Variants in NBEA observed in about 807,000 individuals in gnomAD.
NBEA encodes lysosomal-trafficking regulator 2.
Under a neutral mutation model 343.4 loss-of-function variants are expected in NBEA, and 44 were observed. The observed-to-expected ratio is 0.13, with a 90% CI of 0.10 to 0.16. The LOEUF is 0.16. Ranked by LOEUF, NBEA falls within the 10% of genes least tolerant of loss-of-function variation. The pLI, the probability that NBEA is intolerant of heterozygous loss-of-function variation, is 1.00. For synonymous variants in NBEA, 1,175 were observed against 1,238.7 expected (o/e 0.95, Z 1.08); for missense variants, 2,555 against 3,631.3 (o/e 0.70, Z 7.62).
intron 41 of NBEA, among the ~76,000 whole-genome samples, chr13:35,484,276 A>G (rs9544430): frequency 0.13 from 14,765 of 112,148 alleles, 817 homozygotes; most frequent in East Asian, 0.47. Context: ...GTGTGTGTGT[A>G]TATATATATA....
At chr13:35,011,519 A>G (rs2061493322) in intron 1 of NBEA, among the ~76,000 whole-genome samples, 1 of 152,216 alleles carries the variant, frequency 6.6e-6, no homozygotes, top group Non-Finnish European at 1.5e-5. Flanking sequence ...TAATATTGAT[A>G]TAAACAGAAT....
chr13:35,299,346 C>T (rs2036378507), intron 35 of NBEA, among the ~76,000 whole-genome samples: 1 of 151,980 alleles, frequency 6.6e-6, no homozygotes, highest in Admixed American at 6.6e-5. Context: ...GAAAAATGTA[C>T]ATTGAGTTGA....
At chr13:35,096,650 C>A (rs560745324) in intron 10 of NBEA, among the ~76,000 whole-genome samples, 10 of 151,990 alleles carry the variant, frequency 6.6e-5, no homozygotes, top group South Asian at 4.1e-4. Context: ...CCCTAAATCA[C>A]TAACTTTGGT....
intron 23 of NBEA, among the ~76,000 whole-genome samples, 193 bp from the exon 24 acceptor site, chr13:35,164,163 A>G (rs2069804190): frequency 6.6e-6 from 1 of 152,180 alleles, no homozygotes; most frequent in Non-Finnish European, 1.5e-5. Context: ...CTTGGATACA[A>G]CAAAATCCTG....
chr13:35,412,778 T>A (rs78708624), intron 38 of NBEA, among the ~76,000 whole-genome samples: 1,887 of 152,248 alleles, frequency 0.012, 35 homozygotes, highest in African/African-American at 0.043. Flanking sequence ...ATTTTCTTGG[T>A]TGCTTTTCTT....
intron 30 of NBEA, among the ~76,000 whole-genome samples, chr13:35,191,049 G>T (rs778184162): frequency 3.3e-5 from 5 of 152,122 alleles, no homozygotes; most frequent in Admixed American, 6.6e-5. Context: ...GGCAGGAAAA[G>T]AATCAGCAAC....
intron 40 of NBEA, among the ~76,000 whole-genome samples, chr13:35,461,398 A>T (rs772067152): frequency 6.6e-6 from 1 of 152,256 alleles, no homozygotes; most frequent in South Asian, 2.1e-4. Flanking sequence ...TTCCTCTACA[A>T]ATTTATAGTC....
chr13:34,990,753 G>A (rs2152515544), intron 1 of NBEA, among the ~76,000 whole-genome samples: 1 of 152,230 alleles, frequency 6.6e-6, no homozygotes, highest in African/African-American at 2.4e-5. Context: ...CTCCCTCATG[G>A]TCAGGCTGCA....
intron 24 of NBEA, among the ~76,000 whole-genome samples, chr13:35,165,360 C>T (rs951476454): frequency 1.3e-5 from 2 of 152,172 alleles, no homozygotes; most frequent in African/African-American, 4.8e-5. Context: ...TTTCCCCAGG[C>T]CTTACTCTTC....
intron 10 of NBEA, among the ~76,000 whole-genome samples, chr13:35,076,813 A>T (rs561027555): frequency 6.6e-6 from 1 of 152,014 alleles, no homozygotes; most frequent in Non-Finnish European, 1.5e-5. Context: ...TTCTAACAGG[A>T]GTATTGTTAT....
At chr13:35,462,315 G>C (rs534199334) in intron 40 of NBEA, among the ~76,000 whole-genome samples, 1 of 152,136 alleles carries the variant, frequency 6.6e-6, no homozygotes, top group Non-Finnish European at 1.5e-5. Flanking sequence ...CAGAAAACAC[G>C]ATCCTAGAAT....
intron 38 of NBEA, among the ~76,000 whole-genome samples, chr13:35,357,734 A>C (rs528808836): frequency 3.5e-4 from 54 of 152,256 alleles, no homozygotes; most frequent in Non-Finnish European, 6.0e-4. Context: ...TGTCTTTTGA[A>C]CAAAGATTTT....
intron 38 of NBEA, among the ~76,000 whole-genome samples, chr13:35,400,717 A>C (rs1205370760): frequency 6.6e-6 from 1 of 152,046 alleles, no homozygotes; most frequent in Non-Finnish European, 1.5e-5. Flanking sequence ...ATAATCTGGA[A>C]AGTTCTCTGG....
chr13:35,575,792 C>G (rs2080705873), intron 45 of NBEA, among the ~76,000 whole-genome samples: 1 of 151,982 alleles, frequency 6.6e-6, no homozygotes, highest in African/African-American at 2.4e-5. Context: ...TTTGCTTAAG[C>G]CAGGATTCAG....
At chr13:35,005,989 A>G (rs1458255720) in intron 1 of NBEA, among the ~76,000 whole-genome samples, 1 of 152,050 alleles carries the variant, frequency 6.6e-6, no homozygotes, top group African/African-American at 2.4e-5. Context: ...GTATTTCTTC[A>G]TTTCTTATAA....
chr13:35,257,535 G>T (rs2032753029), intron 34 of NBEA, among the ~76,000 whole-genome samples: 1 of 152,032 alleles, frequency 6.6e-6, no homozygotes, highest in African/African-American at 2.4e-5. Context: ...TACTTCATGT[G>T]GTTACAGTTT....
intron 36 of NBEA, among the ~76,000 whole-genome samples, chr13:35,320,760 A>G (rs1037608889): frequency 6.6e-6 from 1 of 152,092 alleles, no homozygotes; most frequent in African/African-American, 2.4e-5. Flanking sequence ...GTCTTTTCAC[A>G]TGGTCCCACA....
chr13:35,277,125 C>T (rs2034643078), intron 34 of NBEA, among the ~76,000 whole-genome samples: 1 of 152,092 alleles, frequency 6.6e-6, no homozygotes. Flanking sequence ...CAAGATTCAA[C>T]AAAGCTGGTA....
chr13:35,645,314 C>T (rs2084174441), intron 49 of NBEA, among the ~76,000 whole-genome samples: 1 of 152,120 alleles, frequency 6.6e-6, no homozygotes, highest in South Asian at 2.1e-4. Flanking sequence ...TATCATGCTT[C>T]TCCTTGTTGA....
Sources: allele counts gnomAD v4.1 joint callset (sites outside exome capture counted in the v4.1 genomes callset), GRCh38; gene constraint gnomAD v4.1.1; transcripts MANE v1.5; gene names NCBI Gene and HGNC (gene_info 2026-07-23, HGNC 2026-07-21).